PIK3CA: variants seen among roughly 807,000 people sequenced by gnomAD.
The protein encoded by PIK3CA is phosphatidylinositol-4,5-bisphosphate 3-kinase catalytic subunit alpha.
A neutral mutation model predicts 138.2 loss-of-function variants in PIK3CA; 27 were observed. That is an observed-to-expected ratio of 0.20 (90% CI 0.14 to 0.27). The LOEUF (loss-of-function observed/expected upper bound fraction) is 0.27. Ranked by LOEUF, PIK3CA falls within the 10% of genes least tolerant of loss-of-function variation. The pLI, the probability that PIK3CA is intolerant of heterozygous loss-of-function variation, is 1.00. For synonymous variants in PIK3CA, 358 were observed against 413.2 expected, an observed-to-expected ratio of 0.87 and a Z score of 1.62; for missense variants, 544 against 1,277.4, an observed-to-expected ratio of 0.43 and a Z score of 8.75.
chr3:179,219,658 C>A lies in PIK3CA; in HGVS notation c.1834C>A (p.Arg612=), dbSNP rs2108410946. The part of the protein sequence containing the change: ...LDCNYPDPMV[R]GFAVRCLEKY... ...CTGTAATTACCCAGATCCTATGGTTCGAGGTTTTGCTGTTCGGTGCTTGGA... is the reference window on the plus strand; with the variant it reads ...CTGTAATTACCCAGATCCTATGGTTAGAGGTTTTGCTGTTCGGTGCTTGGA... The change falls in exon 12 of 21, where the codon CGA becomes AGA. Residue 612 remains arginine, a synonymous_variant. Coordinates refer to ENST00000263967, the MANE Select transcript of PIK3CA (RefSeq NM_006218.4). This position sits in a 1 kb window ranked among gnomAD's most constrained non-coding sequence, Gnocchi z 4.2. 6.2e-7 allele frequency: 1 copy of A among 1,611,376 alleles called. No individual in the cohort carries two copies. Among genetic ancestry groups the A allele is most frequent in the Non-Finnish European group, 8.5e-7 (1 of 1,178,038 alleles).
chr3:179,199,188 A>G lies in PIK3CA; in HGVS notation c.352+11A>G, dbSNP rs201605394. On this transcript the variant is annotated intron_variant, in intron 2 of 20. Coordinates refer to ENST00000263967, the MANE Select transcript of PIK3CA (RefSeq NM_006218.4). ...TCAATCGAGAAATTGGTATGATACA[A>G]TATCCTATTCTAAAATGCAAATAAC... The G allele has an allele frequency of 5.4e-4, 805 of 1,495,444 alleles. 1 individual carries two copies. The highest frequency in any genetic ancestry group is 6.9e-4 in the Non-Finnish European group (762 of 1,107,880). 92.6% of individuals were successfully genotyped at this position (1,495,444 alleles called of 1,614,324 possible). A position where few individuals can be genotyped will look rare whatever the true frequency, so the allele number is the denominator to read the frequency against.
chr3:179,192,141 T>C (rs1340207259), intron 1 of PIK3CA, among the ~76,000 whole-genome samples: 1 of 152,224 alleles, frequency 6.6e-6, no homozygotes, highest in African/African-American at 2.4e-5. Flanking sequence ...TTGTAGTAGA[T>C]TTTCATTGCC....
chr3:179,221,465 C>A (rs1234981843), intron 14 of PIK3CA, among the ~76,000 whole-genome samples: 2 of 152,118 alleles, frequency 1.3e-5, no homozygotes, highest in African/African-American at 2.4e-5. Flanking sequence ...AATGTTAGAT[C>A]CCTTTACTTT....
intron 1 of PIK3CA, among the ~76,000 whole-genome samples, chr3:179,151,831 AAG>A (rs1228983961): frequency 3.9e-5 from 6 of 152,138 alleles, no homozygotes; most frequent in Non-Finnish European, 5.9e-5. Flanking sequence ...CTCCTTTGAA[AAG>A]TCTAGCTTGA....
At chr3:179,165,504 A>G (rs1441178982) in intron 1 of PIK3CA, among the ~76,000 whole-genome samples, 1 of 151,814 alleles carries the variant, frequency 6.6e-6, no homozygotes, top group African/African-American at 2.4e-5. Flanking sequence ...TAGTCCTCCC[A>G]CCTCCACCTC....
intron 1 of PIK3CA, among the ~76,000 whole-genome samples, chr3:179,184,946 A>G (rs1723938564): frequency 6.6e-6 from 1 of 152,256 alleles, no homozygotes; most frequent in Admixed American, 6.5e-5. Flanking sequence ...TAGAAGGGAT[A>G]GTACTTGAAT....
chr3:179,155,071 TA>T (rs1388470215), intron 1 of PIK3CA, among the ~76,000 whole-genome samples: 3 of 152,182 alleles, frequency 2.0e-5, no homozygotes, highest in African/African-American at 7.2e-5. Context: ...AAAAAAACTG[TA>T]TAGGGATAGA....
At chr3:179,203,864 T>A (rs1724487715) in intron 5 of PIK3CA, 75 bp downstream of exon 5, 1 of 1,010,982 alleles carries the variant, frequency 9.9e-7, no homozygotes. Context: ...TATACAGTAA[T>A]CTGTTGACCT....
chr3:179,170,141 C>G (rs978492356), intron 1 of PIK3CA, among the ~76,000 whole-genome samples: 12 of 152,028 alleles, frequency 7.9e-5, no homozygotes, highest in African/African-American at 2.9e-4. Context: ...CTTTGACGTA[C>G]TAAGTAATAG....
At chr3:179,178,607 C>G (rs1486906567) in intron 1 of PIK3CA, among the ~76,000 whole-genome samples, 2 of 152,138 alleles carry the variant, frequency 1.3e-5, no homozygotes, top group Non-Finnish European at 2.9e-5. Flanking sequence ...TAACATTTAC[C>G]TAATGTGTCA....
chr3:179,199,988 C>G, intron 3 of PIK3CA, 89 bp downstream of exon 3: 1 of 695,420 alleles, frequency 1.4e-6, no homozygotes, highest in Non-Finnish European at 2.3e-6. Context: ...TTTTTTTTTT[C>G]CAGCTAGATA....
chr3:179,188,742 A>G (rs1478051175), intron 1 of PIK3CA, among the ~76,000 whole-genome samples: 1 of 152,176 alleles, frequency 6.6e-6, no homozygotes, highest in Non-Finnish European at 1.5e-5. Flanking sequence ...CTGTGGAATC[A>G]TTTGTATCCT....
Position 179,219,121 on chromosome 3 carries a change from A to G in PIK3CA, c.1665-75A>G, listed in dbSNP as rs1560145116. On this transcript the variant is annotated intron_variant, in intron 10 of 20. Coordinates refer to ENST00000263967, the MANE Select transcript of PIK3CA (RefSeq NM_006218.4). This position sits in a 1 kb window ranked among gnomAD's most constrained non-coding sequence, Gnocchi z 4.2. ...TTTGGGACTTCTTAAGAAGATTCAT[A>G]TGGAGAAGTTAGACATGTCAACCTT... The G allele has an allele frequency of 3.7e-6, 3 of 816,438 alleles. No individual in the cohort carries two copies. The highest frequency in any genetic ancestry group is 4.2e-5 in the Admixed American group (2 of 47,144). The allele number at this position is 816,438 out of a possible 1,614,324, so 50.6% of individuals were successfully genotyped here. A position where few individuals can be genotyped will look rare whatever the true frequency, so the allele number is the denominator to read the frequency against.
At chr3:179,149,128 T>C (rs1451619266) in intron 1 of PIK3CA, among the ~76,000 whole-genome samples, 3 of 151,724 alleles carry the variant, frequency 2.0e-5, no homozygotes, top group Non-Finnish European at 4.4e-5. Context: ...CCGGCAGGGG[T>C]ATGGAAGGAA....
At chr3:179,192,145 C>T (rs993515159) in intron 1 of PIK3CA, among the ~76,000 whole-genome samples, 2 of 152,156 alleles carry the variant, frequency 1.3e-5, no homozygotes, top group African/African-American at 4.8e-5. Context: ...AGTAGATTTT[C>T]ATTGCCACAT....
intron 1 of PIK3CA, among the ~76,000 whole-genome samples, chr3:179,164,660 G>A (rs1209529007): frequency 1.3e-5 from 2 of 152,090 alleles, no homozygotes; most frequent in African/African-American, 2.4e-5. Flanking sequence ...CTGAGGTCAG[G>A]AGTTCAAGAC....
At chr3:179,210,682 G>A in intron 9 of PIK3CA, 117 bp downstream of exon 9, 2 of 925,732 alleles carry the variant, frequency 2.2e-6, no homozygotes, top group Non-Finnish European at 3.3e-6. Context: ...TGAACTCTAG[G>A]ACCAATATTG....
chr3:179,206,248 G>T (rs887103888), intron 6 of PIK3CA, among the ~76,000 whole-genome samples: 1 of 151,980 alleles, frequency 6.6e-6, no homozygotes, highest in Non-Finnish European at 1.5e-5. Context: ...CAGTAGAGGG[G>T]GGTTTCACCA....
intron 1 of PIK3CA, among the ~76,000 whole-genome samples, chr3:179,159,608 A>C (rs1247188228): frequency 6.6e-6 from 1 of 152,198 alleles, no homozygotes; most frequent in Non-Finnish European, 1.5e-5. Flanking sequence ...AATACAGTAG[A>C]ATCTCACCTC....
Sources: allele counts gnomAD v4.1 joint callset (sites outside exome capture counted in the v4.1 genomes callset), GRCh38; gene constraint gnomAD v4.1.1; non-coding constraint Gnocchi (gnomAD v3.1); transcripts MANE v1.5; gene names NCBI Gene and HGNC (gene_info 2026-07-23, HGNC 2026-07-21).